The following DOCK5 variants were observed in gnomAD, a reference collection of about 807,000 sequenced individuals.
The protein encoded by DOCK5 is dedicator of cytokinesis 5.
Under a neutral mutation model 251.8 loss-of-function variants are expected in DOCK5, and 142 were observed. The observed-to-expected ratio is 0.56, with a 90% CI of 0.49 to 0.65. The LOEUF (loss-of-function observed/expected upper bound fraction) is 0.65. Ranked by LOEUF, DOCK5 falls within the 30% of genes least tolerant of loss-of-function variation. The pLI is 0.00. For synonymous variants in DOCK5, 842 were observed against 835.5 expected (o/e 1.01, Z -0.13); for missense variants, 2,111 against 2,312.3 (o/e 0.91, Z 1.79).
chr8:25,236,796 A>C (rs1449456288), intron 1 of DOCK5, among the ~76,000 whole-genome samples: 1 of 150,898 alleles, frequency 6.6e-6, no homozygotes, highest in Non-Finnish European at 1.5e-5. Flanking sequence ...ATGGGGTTTT[A>C]CCATGTTGGC....
At chr8:25,411,154 G>A in intron 51 of DOCK5, 40 bp from the exon 52 acceptor site, 1 of 1,492,720 alleles carries the variant, frequency 6.7e-7, no homozygotes, top group South Asian at 1.3e-5. Flanking sequence ...TGGGAAGAAA[G>A]CTAAGACCTG....
intron 2 of DOCK5, among the ~76,000 whole-genome samples, chr8:25,258,755 A>C (rs1333055920): frequency 6.6e-6 from 1 of 152,152 alleles, no homozygotes; most frequent in Non-Finnish European, 1.5e-5. Context: ...TGCTATATTC[A>C]TCAGATGTTT....
intron 3 of DOCK5, among the ~76,000 whole-genome samples, chr8:25,274,392 C>T (rs1803989476): frequency 6.6e-6 from 1 of 152,224 alleles, no homozygotes; most frequent in African/African-American, 2.4e-5. Context: ...AGATCAGCAT[C>T]ACTGTCTCCG....
At chr8:25,371,473 A>C (rs1464446643) in intron 34 of DOCK5, among the ~76,000 whole-genome samples, 2 of 152,224 alleles carry the variant, frequency 1.3e-5, no homozygotes, top group African/African-American at 4.8e-5. Context: ...TCTCAAAAAA[A>C]TAAAAATAAA....
intron 5 of DOCK5, among the ~76,000 whole-genome samples, chr8:25,285,693 G>T (rs1804314508): frequency 6.6e-6 from 1 of 152,164 alleles, no homozygotes; most frequent in Non-Finnish European, 1.5e-5. Flanking sequence ...TGAACCGGTG[G>T]TTATTACTGG....
chr8:25,308,662 T>C, intron 11 of DOCK5, 121 bp from the exon 12 acceptor site: 1 of 984,724 alleles, frequency 1.0e-6, no homozygotes, highest in South Asian at 2.1e-5. Context: ...GATAGAAAGA[T>C]AGGGGTACTT....
intron 2 of DOCK5, 140 bp from the exon 3 acceptor site, chr8:25,268,705 A>G (rs541410303): frequency 7.6e-6 from 5 of 654,812 alleles, no homozygotes; most frequent in Admixed American, 7.1e-5. Flanking sequence ...TAAAACATTC[A>G]TCTTCTAACG....
chr8:25,372,818 T>C, intron 35 of DOCK5, 100 bp downstream of exon 35: 14 of 1,202,290 alleles, frequency 1.2e-5, no homozygotes, highest in African/African-American at 1.6e-5. Context: ...AGAGGCGCCC[T>C]GAGGCACCTT....
rs1021354176 is a variant in DOCK5, at chr8:25,372,545, C to G, written c.3525-14C>G. 1.9e-5 allele frequency: 30 copies of G among 1,561,582 alleles called. No homozygotes were observed. The highest frequency in any genetic ancestry group is 2.6e-5 in the Non-Finnish European group (30 of 1,159,250). ...ATGGAACCTGGGCTTTTGTCTCTCCCTCCGCCCCTCCAGGCTCCTAGAACA... is the reference window on the plus strand; with the variant it reads ...ATGGAACCTGGGCTTTTGTCTCTCCGTCCGCCCCTCCAGGCTCCTAGAACA... On this transcript the variant is annotated splice_polypyrimidine_tract_variant and intron_variant, in intron 34 of 51. Transcript: ENST00000276440.
intron 1 of DOCK5, among the ~76,000 whole-genome samples, chr8:25,186,395 G>T (rs944041811): frequency 6.9e-6 from 1 of 145,364 alleles, no homozygotes; most frequent in African/African-American, 2.6e-5. Flanking sequence ...ACGGACTGAC[G>T]AGGGAGTCTC....
intron 2 of DOCK5, among the ~76,000 whole-genome samples, chr8:25,257,704 C>G (rs1420687068): frequency 1.3e-5 from 2 of 152,148 alleles, no homozygotes; most frequent in Admixed American, 6.5e-5. Context: ...GTTATACTCT[C>G]AAATTCCTTG....
chr8:25,229,293 C>T (rs1016015879), intron 1 of DOCK5, among the ~76,000 whole-genome samples: 13 of 152,032 alleles, frequency 8.6e-5, no homozygotes, highest in African/African-American at 2.9e-4. Context: ...ATTAGCCTGA[C>T]CAACATAGTG....
chr8:25,244,094 G>T (rs1319683777), intron 2 of DOCK5, among the ~76,000 whole-genome samples: 5 of 152,222 alleles, frequency 3.3e-5, no homozygotes, highest in African/African-American at 1.2e-4. Context: ...TAGCTCAAAG[G>T]AAGCACTGCT....
chr8:25,210,074 G>A (rs201308277), intron 1 of DOCK5, among the ~76,000 whole-genome samples: 2,159 of 20,684 alleles, frequency 0.1, 538 homozygotes, highest in Admixed American at 0.17. Context: ...GTGTGTATCT[G>A]TCTATTTATC....
intron 40 of DOCK5, among the ~76,000 whole-genome samples, chr8:25,387,388 C>T (rs181571928): frequency 6.6e-6 from 1 of 152,226 alleles, no homozygotes; most frequent in East Asian, 1.9e-4. Context: ...CTATCTTGCC[C>T]AGGCTCAAGA....
chr8:25,342,118 G>C (rs1199738183), intron 24 of DOCK5, among the ~76,000 whole-genome samples: 2 of 152,176 alleles, frequency 1.3e-5, no homozygotes, highest in African/African-American at 4.8e-5. Flanking sequence ...ATCAACATGA[G>C]AGTGGAGTTG....
In DOCK5 at chr8:25,399,898, T is replaced by C; in HGVS notation, c.4705-13T>C. 6.2e-7 allele frequency: 1 copy of C among 1,605,260 alleles called. No homozygotes were observed. On this transcript the variant is annotated splice_polypyrimidine_tract_variant and intron_variant, in intron 45 of 51. Coordinates refer to ENST00000276440, the MANE Select transcript of DOCK5 (RefSeq NM_024940.8). ...ATGTGTTCTAATTAAAACTTGCATA[T>C]GCTTTTTTTTAGGCTTTTTTTACAG...
At chr8:25,291,913 C>G in intron 5 of DOCK5, 111 bp from the exon 6 acceptor site, 2 of 1,037,710 alleles carry the variant, frequency 1.9e-6, no homozygotes, top group Non-Finnish European at 2.7e-6. Flanking sequence ...GATGTTCCCT[C>G]TCATCTGTCT....
intron 12 of DOCK5, among the ~76,000 whole-genome samples, chr8:25,309,358 A>C (rs1980021): frequency 1.3e-5 from 2 of 151,722 alleles, no homozygotes; most frequent in African/African-American, 4.8e-5. Context: ...TAACTTTTAA[A>C]TTTTTTGTAG....
Sources: gnomAD v4.1 joint callset for allele counts (sites outside exome capture counted in the v4.1 genomes callset) on GRCh38, gnomAD v4.1.1 for gene constraint, MANE v1.5 for transcripts, NCBI Gene and HGNC (gene_info 2026-07-23, HGNC 2026-07-21) for gene names.